ARHGAP8: variants seen among roughly 807,000 people sequenced by gnomAD.
The protein encoded by ARHGAP8 is rho GTPase-activating protein 8.
A neutral mutation model predicts 46.1 loss-of-function variants in ARHGAP8; 62 were observed. That is an observed-to-expected ratio of 1.34 (90% CI 1.10 to 1.66). The LOEUF is 1.66. ARHGAP8 is among the 40% of genes most tolerant of loss of function. The pLI, the probability that ARHGAP8 is intolerant of heterozygous loss-of-function variation, is 0.00. For synonymous variants in ARHGAP8, 375 were observed against 243.1 expected (o/e 1.54, Z -5.05); for missense variants, 923 against 568.4 (o/e 1.62, Z -6.34).
intron 9 of ARHGAP8, 35 bp from the exon 10 acceptor site, chr22:44,848,897 G>T: frequency 6.2e-7 from 1 of 1,612,680 alleles, no homozygotes; most frequent in Non-Finnish European, 8.5e-7. Context: ...CCAGGCCGGG[G>T]TGCAGACCTC....
chr22:44,859,474 C>CTTG (rs1038534744), intron 10 of ARHGAP8, among the ~76,000 whole-genome samples: 1 of 152,172 alleles, frequency 6.6e-6, no homozygotes, highest in African/African-American at 2.4e-5. Flanking sequence ...TGGTGCCATG[C>CTTG]TTGTACAGCC....
intron 6 of ARHGAP8, 70 bp from the exon 7 acceptor site, chr22:44,825,413 C>T: frequency 6.5e-7 from 1 of 1,540,540 alleles, no homozygotes; most frequent in Non-Finnish European, 8.8e-7. Flanking sequence ...GGCATCCAGC[C>T]CCACCCAGCG....
At chr22:44,855,831 A>G (rs1416813310) in intron 10 of ARHGAP8, among the ~76,000 whole-genome samples, 7 of 152,178 alleles carry the variant, frequency 4.6e-5, no homozygotes, top group African/African-American at 1.2e-4. Context: ...CTGTGTTGCT[A>G]TGAAGAAATA....
chr22:44,840,872 G>C (rs1041203133), intron 7 of ARHGAP8, among the ~76,000 whole-genome samples: 2 of 152,238 alleles, frequency 1.3e-5, no homozygotes, highest in Non-Finnish European at 2.9e-5. Flanking sequence ...CACTCTGTCT[G>C]CCTGGAGTGT....
At chr22:44,822,715 T>A (rs1930244138) in intron 6 of ARHGAP8, among the ~76,000 whole-genome samples, 1 of 152,206 alleles carries the variant, frequency 6.6e-6, no homozygotes, top group African/African-American at 2.4e-5. Flanking sequence ...CAAAACTGAT[T>A]TAAAAAATAA....
chr22:44,794,050 C>T (rs1009058613), intron 2 of ARHGAP8, among the ~76,000 whole-genome samples: 3 of 152,316 alleles, frequency 2.0e-5, no homozygotes, highest in Admixed American at 2.0e-4. Flanking sequence ...GGAGGCTTGG[C>T]TGGGAGTCAG....
chr22:44,794,180 C>G (rs1365358349), intron 2 of ARHGAP8, among the ~76,000 whole-genome samples: 1 of 152,228 alleles, frequency 6.6e-6, no homozygotes, highest in African/African-American at 2.4e-5. Flanking sequence ...AGCATCCTAC[C>G]TGGTCCGTGG....
chr22:44,796,334 G>A (rs998336867), intron 2 of ARHGAP8, among the ~76,000 whole-genome samples: 14 of 152,210 alleles, frequency 9.2e-5, no homozygotes, highest in Non-Finnish European at 1.6e-4. Context: ...GCTCCTCGGG[G>A]GCAGCTGATG....
rs910003444 is a variant in ARHGAP8, at chr22:44,802,237, C to T, written c.167+73C>T. ...TTGTCCCCATCCCTTCACCCCACCTCACTCTGAGTCATCTGCTGTGGTCTG... is the reference window on the plus strand; with the variant it reads ...TTGTCCCCATCCCTTCACCCCACCTTACTCTGAGTCATCTGCTGTGGTCTG... On this transcript the variant is annotated intron_variant, in intron 3 of 11. Transcript: ENST00000356099. The T allele has an allele frequency of 5.7e-6, 9 of 1,566,810 alleles. No homozygotes were observed. The Admixed American group carries it at 1.4e-4, about 24-fold the overall frequency.
At chr22:44,842,591 G>T (rs1004490694) in intron 7 of ARHGAP8, among the ~76,000 whole-genome samples, 10 of 152,252 alleles carry the variant, frequency 6.6e-5, no homozygotes, top group Middle Eastern at 3.4e-3. Context: ...GTGGCGAGAG[G>T]AAAGTCCCTC....
intron 10 of ARHGAP8, among the ~76,000 whole-genome samples, chr22:44,856,996 A>G (rs2070244192): frequency 7.1e-6 from 1 of 140,410 alleles, no homozygotes; most frequent in Non-Finnish European, 1.5e-5. Flanking sequence ...GCTGGAGTGC[A>G]ATGGTGCAAT....
intron 1 of ARHGAP8, among the ~76,000 whole-genome samples, chr22:44,778,867 A>G (rs1232183310): frequency 6.6e-6 from 1 of 152,058 alleles, no homozygotes; most frequent in Non-Finnish European, 1.5e-5. Context: ...CTCTAACCCC[A>G]CATTAAAAGG....
intron 10 of ARHGAP8, among the ~76,000 whole-genome samples, chr22:44,851,454 C>T (rs919688620): frequency 3.3e-5 from 5 of 152,058 alleles, no homozygotes; most frequent in Admixed American, 6.6e-5. Context: ...CTCTGTCGCC[C>T]AGGCTGGAGT....
intron 2 of ARHGAP8, among the ~76,000 whole-genome samples, chr22:44,792,812 T>C (rs866397831): frequency 6.4e-5 from 8 of 124,912 alleles, no homozygotes; most frequent in African/African-American, 2.5e-4. Flanking sequence ...GTGGTGGTGG[T>C]TTTTTTTGTT....
rs1427719990 is a variant in ARHGAP8, at chr22:44,814,816, C to A, written c.386+58C>A. The A allele has an allele frequency of 4.4e-6, 7 of 1,586,064 alleles. No individual in the cohort carries two copies. The East Asian group carries it at 1.3e-4, about 30-fold the overall frequency. On this transcript the variant is annotated intron_variant, in intron 5 of 11. Transcript: ENST00000356099. ...GGTTGGAGGTTTCACCCCTCAGGGTCCATGGGACGGCCTTCCCTATCCACG... is the reference window on the plus strand; with the variant it reads ...GGTTGGAGGTTTCACCCCTCAGGGTACATGGGACGGCCTTCCCTATCCACG...
chr22:44,844,231 A>G (rs556321971), intron 7 of ARHGAP8, among the ~76,000 whole-genome samples: 1 of 152,186 alleles, frequency 6.6e-6, no homozygotes, highest in African/African-American at 2.4e-5. Context: ...TGGCCTCCCA[A>G]AGTGCTGGAA....
At chr22:44,855,431 C>T (rs2070196745) in intron 10 of ARHGAP8, among the ~76,000 whole-genome samples, 1 of 152,298 alleles carries the variant, frequency 6.6e-6, no homozygotes, top group South Asian at 2.1e-4. Flanking sequence ...TCCCAAAGTG[C>T]TGGGATGACA....
At chr22:44,762,074 A>G (rs1221873758) in intron 1 of ARHGAP8, among the ~76,000 whole-genome samples, 2 of 152,236 alleles carry the variant, frequency 1.3e-5, no homozygotes, top group Non-Finnish European at 2.9e-5. Flanking sequence ...CAGCCAAACC[A>G]TATCAGAGAA....
chr22:44,833,757 G>C (rs1350013912), intron 7 of ARHGAP8, among the ~76,000 whole-genome samples: 1 of 152,112 alleles, frequency 6.6e-6, no homozygotes, highest in South Asian at 2.1e-4. Context: ...ACATTTTACA[G>C]AATTCACCAC....
Sources: gnomAD v4.1 joint callset for allele counts (sites outside exome capture counted in the v4.1 genomes callset) on GRCh38, gnomAD v4.1.1 for gene constraint, MANE v1.5 for transcripts, NCBI Gene and HGNC (gene_info 2026-07-23, HGNC 2026-07-21) for gene names.